TNNI3K: variants seen among roughly 807,000 people sequenced by gnomAD.
The protein encoded by TNNI3K is serine/threonine-protein kinase TNNI3K.
In TNNI3K, 140 loss-of-function variants were observed where a neutral mutation model predicts 114.5. The observed-to-expected ratio is 1.22, with a 90% CI of 1.07 to 1.41. The LOEUF is 1.41. Among genes scored for constraint, TNNI3K ranks in the 40% most tolerant of loss-of-function variants. The pLI, the probability that TNNI3K is intolerant of heterozygous loss-of-function variation, is 0.00. For synonymous variants in TNNI3K, 347 were observed against 347.5 expected (o/e 1.00, Z 0.02); for missense variants, 1,125 against 1,007.6 (o/e 1.12, Z -1.58).
chr1:74,380,768 G>A (rs1031392273), intron 17 of TNNI3K, among the ~76,000 whole-genome samples: 2 of 152,228 alleles, frequency 1.3e-5, no homozygotes, highest in East Asian at 1.9e-4. Context: ...GATTTCCTAA[G>A]CAGCTAACCT....
chr1:74,371,880 G>A (rs1177669038), intron 17 of TNNI3K: 1 of 151,706 alleles, frequency 6.6e-6, no homozygotes, highest in Non-Finnish European at 1.5e-5. Context: ...AGAAACTAGT[G>A]AGGGAGTTGT....
At chr1:74,327,365 C>T (rs570898121) in intron 5 of TNNI3K, among the ~76,000 whole-genome samples, 1 of 148,138 alleles carries the variant, frequency 6.8e-6, no homozygotes, top group East Asian at 2.0e-4. Flanking sequence ...AATCTTAGTT[C>T]TTTGATAATA....
intron 23 of TNNI3K, among the ~76,000 whole-genome samples, chr1:74,501,290 T>G (rs905421835): frequency 6.6e-6 from 1 of 152,240 alleles, no homozygotes; most frequent in African/African-American, 2.4e-5. Flanking sequence ...TAATTCAATT[T>G]ATTTCTAATT....
chr1:74,525,250 C>T (rs1646488001), intron 23 of TNNI3K, among the ~76,000 whole-genome samples: 1 of 152,162 alleles, frequency 6.6e-6, no homozygotes, highest in East Asian at 1.9e-4. Flanking sequence ...CTGAGCACCT[C>T]CTGTGTGTTA....
At chr1:74,383,455 CTCCTCACACTT>C (rs1224436583) in intron 17 of TNNI3K, among the ~76,000 whole-genome samples, 1 of 151,998 alleles carries the variant, frequency 6.6e-6, no homozygotes, top group Non-Finnish European at 1.5e-5. Context: ...CTCTGTGCCC[CTCCTCACACTT>C]TCTCCATAAA....
In TNNI3K at chr1:74,367,272, C is replaced by G. The variant is rs1662324306; in HGVS notation, c.1194C>G (p.Val398=). 3 of 1,611,926 alleles carry G rather than the reference C, an allele frequency of 1.9e-6. No homozygotes were observed. The highest frequency in any genetic ancestry group is 1.3e-5 in the African/African-American group (1 of 74,764). ...TTCATAAAGGGCATGATGCCATTGT[C>G]ACACTCCTGAAGCATTATAAGAGAC... ...WAYEKGHDAI[V]TLLKHYKRPQ... The change falls in exon 12 of 25, where the codon GTC becomes GTG. Residue 398 remains valine, a synonymous_variant. Coordinates refer to ENST00000326637, the MANE Select transcript of TNNI3K (RefSeq NM_015978.3).
At chr1:74,308,202 G>A (rs770045737) in intron 5 of TNNI3K, among the ~76,000 whole-genome samples, 8 of 152,054 alleles carry the variant, frequency 5.3e-5, no homozygotes, top group South Asian at 2.1e-4. Context: ...CCTATCAACC[G>A]CAGAATATAC....
chr1:74,308,040 T>A (rs771975005), intron 5 of TNNI3K, among the ~76,000 whole-genome samples: 64 of 151,108 alleles, frequency 4.2e-4, no homozygotes, highest in Non-Finnish European at 6.8e-4. Context: ...CATCTAAAAA[T>A]ATATATATAT....
At chr1:74,528,294 G>A (rs74521402) in intron 23 of TNNI3K, among the ~76,000 whole-genome samples, 2,254 of 152,196 alleles carry the variant, frequency 0.015, 49 homozygotes, top group African/African-American at 0.05. Context: ...GCCTGAGCAG[G>A]GTGAGGAGGG....
chr1:74,469,012 A>G (rs557600656), intron 21 of TNNI3K: 9 of 152,322 alleles, frequency 5.9e-5, no homozygotes, highest in African/African-American at 2.2e-4. Context: ...ACTCCAAACA[A>G]CAGTGGCATG....
chr1:74,430,090 T>C lies in TNNI3K; in HGVS notation c.1773-5990T>C, dbSNP rs138120516. ...GACTTTAAAGAACTCCTAATGGTAGTGGAGTGAAAGTAGCAAGTCACCTTG... is the reference window on the plus strand; with the variant it reads ...GACTTTAAAGAACTCCTAATGGTAGCGGAGTGAAAGTAGCAAGTCACCTTG... On this transcript the variant is annotated intron_variant, in intron 17 of 24. Transcript: ENST00000326637. Among the ~76,000 whole-genome samples, 691 of 152,236 alleles carry C rather than the reference T, an allele frequency of 4.5e-3. 8 individuals are homozygous for C. Among genetic ancestry groups the C allele is most frequent in the African/African-American group, 0.016 (662 of 41,564 alleles).
chr1:74,461,208 T>A (rs1399063231), intron 20 of TNNI3K, among the ~76,000 whole-genome samples: 1 of 152,082 alleles, frequency 6.6e-6, no homozygotes, highest in Non-Finnish European at 1.5e-5. Flanking sequence ...TGGCCCAGCA[T>A]GGTGCCTCAC....
intron 23 of TNNI3K, among the ~76,000 whole-genome samples, chr1:74,502,106 C>G (rs138417230): frequency 2.8e-4 from 43 of 152,152 alleles, no homozygotes; most frequent in African/African-American, 9.9e-4. Flanking sequence ...AAAATTCATG[C>G]TATAGGTCAA....
chr1:74,265,228 A>G (rs1364293612), intron 4 of TNNI3K, among the ~76,000 whole-genome samples: 1 of 152,052 alleles, frequency 6.6e-6, no homozygotes, highest in African/African-American at 2.4e-5. Context: ...GTTTATTTAA[A>G]GGTGACACCT....
At chr1:74,482,499 AT>A (rs1164044253) in intron 21 of TNNI3K, among the ~76,000 whole-genome samples, 5 of 152,238 alleles carry the variant, frequency 3.3e-5, no homozygotes, top group African/African-American at 1.2e-4. Flanking sequence ...TCAACTATCC[AT>A]GAAAACCTCT....
intron 20 of TNNI3K, among the ~76,000 whole-genome samples, chr1:74,457,112 G>A (rs961603562): frequency 1.3e-5 from 2 of 152,110 alleles, no homozygotes; most frequent in African/African-American, 2.4e-5. Flanking sequence ...CAGGAAAATA[G>A]GAGTGAGCTA....
intron 20 of TNNI3K, among the ~76,000 whole-genome samples, chr1:74,453,546 C>G (rs1445788821): frequency 6.6e-6 from 1 of 152,140 alleles, no homozygotes; most frequent in Non-Finnish European, 1.5e-5. Context: ...CTGGATTTAA[C>G]AGCATACTAC....
Position 74,250,655 on chromosome 1 carries a change from T to A in TNNI3K, c.236-17T>A. The A allele has an allele frequency of 6.2e-7, 1 of 1,606,710 alleles. No homozygotes were observed. Among genetic ancestry groups the A allele is most frequent in the South Asian group, 1.1e-5 (1 of 89,548 alleles). Reference sequence around the variant, plus strand: ...ATCCCCACAATGATTTAGCCTTTTTTCATTTTTCTCTTTAAGGCAAGAAAT... The same window carrying A: ...ATCCCCACAATGATTTAGCCTTTTTACATTTTTCTCTTTAAGGCAAGAAAT... On this transcript the variant is annotated splice_polypyrimidine_tract_variant and intron_variant, in intron 3 of 24. Coordinates refer to ENST00000326637, the MANE Select transcript of TNNI3K (RefSeq NM_015978.3).
intron 5 of TNNI3K, among the ~76,000 whole-genome samples, chr1:74,280,249 G>A (rs969425105): frequency 6.6e-6 from 1 of 152,272 alleles, no homozygotes; most frequent in Admixed American, 6.5e-5. Flanking sequence ...GGGCGTGGTG[G>A]CAGGTGCCTG....
Sources: gnomAD v4.1 joint callset for allele counts (sites outside exome capture counted in the v4.1 genomes callset) on GRCh38, gnomAD v4.1.1 for gene constraint, MANE v1.5 for transcripts, NCBI Gene and HGNC (gene_info 2026-07-23, HGNC 2026-07-21) for gene names.